The following RNF111 variants were observed in gnomAD, a reference collection of about 807,000 sequenced individuals.
RNF111 encodes E3 ubiquitin-protein ligase Arkadia.
Under a neutral mutation model 95.1 loss-of-function variants are expected in RNF111, and 17 were observed. That is an observed-to-expected ratio of 0.18 (90% CI 0.12 to 0.27). The LOEUF (loss-of-function observed/expected upper bound fraction) is 0.27. Among genes scored for constraint, RNF111 ranks in the 10% least tolerant of loss-of-function variants. RNF111 has a pLI of 1.00. For missense variants in RNF111, 1,189 were observed against 1,210.4 expected (o/e 0.98, Z 0.26); for synonymous variants, 440 against 414.8 (o/e 1.06, Z -0.74).
rs1307291913 is a variant in RNF111 at position 59,031,693 on chromosome 15, G to T, written c.871G>T (p.Val291Phe). ...ASENHQNNPAVPSGSIDEDVV... is the reference protein window; with the variant it reads ...ASENHQNNPAFPSGSIDEDVV... ...TGAAAACCACCAAAACAATCCAGCT[G>T]TTCCCTCAGGTAAAAATGTTTAAGC... Residue 291 changes from valine (V) to phenylalanine (F), a missense_variant, in exon 2 of 14, where the codon GTT (valine) becomes TTT (phenylalanine). By Grantham distance (50) the Val-to-Phe change is conservative. Coordinates refer to ENST00000348370, the MANE Select transcript of RNF111 (RefSeq NM_017610.8). 6.2e-7 allele frequency: 1 copy of T among 1,612,760 alleles called. No individual in the cohort carries two copies. Among genetic ancestry groups the T allele is most frequent in the Non-Finnish European group, 8.5e-7 (1 of 1,179,388 alleles).
chr15:59,088,556 C>A (rs1208655085), intron 10 of RNF111, among the ~76,000 whole-genome samples: 2 of 152,102 alleles, frequency 1.3e-5, no homozygotes, highest in African/African-American at 4.8e-5. Flanking sequence ...TCAGTGTAGG[C>A]TAATTAAAAA....
intron 1 of RNF111, among the ~76,000 whole-genome samples, chr15:58,996,896 C>A (rs1465519525): frequency 6.6e-6 from 1 of 151,988 alleles, no homozygotes; most frequent in African/African-American, 2.4e-5. Flanking sequence ...TCCTATGCAA[C>A]TCTCCTAATC....
At chr15:59,080,066 T>A (rs1271291353) in intron 7 of RNF111, among the ~76,000 whole-genome samples, 1 of 151,402 alleles carries the variant, frequency 6.6e-6, no homozygotes, top group Non-Finnish European at 1.5e-5. Context: ...GCATTTATTT[T>A]AAAAATTTAG....
At chr15:59,060,154 T>A (rs1173364754) in intron 5 of RNF111, among the ~76,000 whole-genome samples, 3 of 152,206 alleles carry the variant, frequency 2.0e-5, no homozygotes, top group African/African-American at 7.2e-5. Context: ...ACTACAGGTG[T>A]GAACCACTGT....
chr15:59,023,118 C>T (rs1219595255), intron 1 of RNF111, among the ~76,000 whole-genome samples: 3 of 152,016 alleles, frequency 2.0e-5, no homozygotes, highest in Middle Eastern at 3.2e-3. Flanking sequence ...CATGGTGGTG[C>T]GTGTCTGTAA....
At position 59,031,398 on chromosome 15, in the gene RNF111, A is replaced by G. The variant is rs954928532; in HGVS notation, c.576A>G (p.Val192=). The G allele has an allele frequency of 4.3e-6, 7 of 1,614,108 alleles. 1 individual carries two copies. The Admixed American group carries it at 1.0e-4, about 23-fold the overall frequency. The change falls in exon 2 of 14, where the codon GTA becomes GTG. Residue 192 remains valine (V), a synonymous_variant. Transcript: ENST00000348370. ...GGCCTCGGACTGAGACAGAATCTGTATCGGGATTGTTAATGAAAAGACCCT... is the reference window on the plus strand; with the variant it reads ...GGCCTCGGACTGAGACAGAATCTGTGTCGGGATTGTTAATGAAAAGACCCT... ...HKWPRTETES[V]SGLLMKRPCL... is the part of the protein sequence containing the mutation.
At chr15:59,082,486 A>G (rs1483981614) in intron 8 of RNF111, among the ~76,000 whole-genome samples, 1 of 152,170 alleles carries the variant, frequency 6.6e-6, no homozygotes, top group Non-Finnish European at 1.5e-5. Context: ...GTTTATGAAA[A>G]TCCTTTTTTT....
At chr15:59,014,584 T>C (rs1211703498) in intron 1 of RNF111, among the ~76,000 whole-genome samples, 1 of 152,198 alleles carries the variant, frequency 6.6e-6, no homozygotes, top group Non-Finnish European at 1.5e-5. Context: ...TCAGAAGAAA[T>C]GTATACTTGT....
intron 1 of RNF111, among the ~76,000 whole-genome samples, chr15:59,003,025 C>T (rs1665051): frequency 0.6 from 90,516 of 152,080 alleles, 28,626 homozygotes; most frequent in South Asian, 0.76. Flanking sequence ...ATGTTGCCAG[C>T]GCGGGATTGC....
chr15:59,030,822 C>G lies in RNF111; in HGVS notation c.-1C>G, dbSNP rs766383859. ...CTTCTAGGCTTTCCTTAAAGTTTCCCATGTCTCAATGGACTCCTGAATATA... is the reference window on the plus strand; with the variant it reads ...CTTCTAGGCTTTCCTTAAAGTTTCCGATGTCTCAATGGACTCCTGAATATA... On this transcript the variant is annotated 5_prime_UTR_variant, in exon 2 of 14. Coordinates refer to ENST00000348370, the MANE Select transcript of RNF111 (RefSeq NM_017610.8). The G allele has an allele frequency of 8.9e-6, 14 of 1,566,430 alleles. No homozygotes were observed. Among genetic ancestry groups the G allele is most frequent in the Non-Finnish European group, 1.1e-5 (13 of 1,155,694 alleles).
chr15:59,064,535 CAAAAA>C (rs35804813), intron 5 of RNF111, among the ~76,000 whole-genome samples: 2 of 76,732 alleles, frequency 2.6e-5, no homozygotes, highest in Non-Finnish European at 2.7e-5. Context: ...GACTTTGTCG[CAAAAA>C]AAAAAAAAAA....
At chr15:59,055,432 A>G (rs1244922166) in intron 3 of RNF111, among the ~76,000 whole-genome samples, 1 of 152,336 alleles carries the variant, frequency 6.6e-6, no homozygotes, top group East Asian at 1.9e-4. Flanking sequence ...AAAAGTAACC[A>G]TGGAAGAGAG....
chr15:59,052,428 A>G lies in RNF111; in HGVS notation c.1004A>G (p.Tyr335Cys), dbSNP rs758155441. 3 of 1,564,436 alleles carry G rather than the reference A, an allele frequency of 1.9e-6. No individual in the cohort carries two copies. Among genetic ancestry groups the G allele is most frequent in the East Asian group, 2.3e-5 (1 of 43,660 alleles). The change falls in exon 3 of 14, where the codon TAT becomes TGT. Residue 335 changes from tyrosine (Y) to cysteine (C), a missense_variant. By Grantham distance (194) the Tyr-to-Cys change is radical. Coordinates refer to ENST00000348370, the MANE Select transcript of RNF111 (RefSeq NM_017610.8). ...EVEIVTVGES[Y>C]RSRSTLGHSR... is the part of the protein sequence containing the mutation. ...GAGATTGTAACAGTTGGAGAAAGCT[A>G]TCGGTGAGATTTTAATTCTTAGTTA...
At chr15:59,013,059 TG>T (rs1163952706) in intron 1 of RNF111, among the ~76,000 whole-genome samples, 15 of 152,116 alleles carry the variant, frequency 9.9e-5, no homozygotes, top group Non-Finnish European at 1.6e-4. Context: ...TTTAGATTTT[TG>T]GAGATTGGCA....
rs1251887762 is a variant in RNF111, at chr15:59,081,171, C to T, written c.2184C>T (p.His728=). The change falls in exon 8 of 14, where the codon CAC becomes CAT. Residue 728 remains histidine (H), a synonymous_variant. Coordinates refer to ENST00000348370, the MANE Select transcript of RNF111 (RefSeq NM_017610.8). The stretch of plus-strand genomic sequence containing the variant: ...TCCCTCAGCATCTTCCTCCTACACA[C>T]CAGCCAATTTCGCACCATATTCCAG... ...APIPQHLPPT[H]QPISHHIPAT... is the part of the protein sequence containing the mutation. 7 of 1,614,088 alleles carry T rather than the reference C, an allele frequency of 4.3e-6. No individual in the cohort carries two copies. Among genetic ancestry groups the T allele is most frequent in the Middle Eastern group, 1.6e-4 (1 of 6,084 alleles).
At position 59,091,136 on chromosome 15, in the gene RNF111, T is replaced by C; in HGVS notation, c.2721T>C (p.Tyr907=). Residue 907 remains tyrosine (Y), a synonymous_variant, in exon 12 of 14, where the codon TAT becomes TAC. Coordinates refer to ENST00000348370, the MANE Select transcript of RNF111 (RefSeq NM_017610.8). ...ASQGTIERCT[Y]PHKYKKRKLH... is the part of the protein sequence containing the mutation. ...AGGGGACAATTGAAAGATGTACATA[T>C]CCACATAAATACAAAAAGGTAAGAA... The C allele has an allele frequency of 2.5e-6, 4 of 1,596,822 alleles. No homozygotes were observed. The highest frequency in any genetic ancestry group is 3.4e-6 in the Non-Finnish European group (4 of 1,165,900).
chr15:59,055,107 C>T (rs2042150819), intron 3 of RNF111, among the ~76,000 whole-genome samples: 1 of 152,184 alleles, frequency 6.6e-6, no homozygotes, highest in African/African-American at 2.4e-5. Flanking sequence ...CATAAACTAG[C>T]TCACGCAAGT....
At chr15:59,076,753 T>A (rs1315580569) in intron 7 of RNF111, among the ~76,000 whole-genome samples, 2 of 152,232 alleles carry the variant, frequency 1.3e-5, no homozygotes, top group African/African-American at 2.4e-5. Flanking sequence ...TCGTTAGATA[T>A]CACAAGAAAT....
rs768738102 is a variant in RNF111 at position 59,096,200 on chromosome 15, C to T, written c.*1300C>T. The T allele has an allele frequency of 2.5e-6, 1 of 396,756 alleles. No homozygotes were observed. The highest frequency in any genetic ancestry group is 4.4e-6 in the Non-Finnish European group (1 of 224,948). The allele number at this position is 396,756 out of a possible 1,614,324, so 24.6% of individuals were successfully genotyped here. Reference sequence around the variant, plus strand: ...CTCCTTTGGAGGAAGTTTTAATCTACTTCAGGATGCATATTATTATCAAGA... The same window carrying T: ...CTCCTTTGGAGGAAGTTTTAATCTATTTCAGGATGCATATTATTATCAAGA... On this transcript the variant is annotated 3_prime_UTR_variant, in exon 14 of 14. Transcript: ENST00000348370.
Sources: allele counts gnomAD v4.1 joint callset (sites outside exome capture counted in the v4.1 genomes callset), GRCh38; gene constraint gnomAD v4.1.1; transcripts MANE v1.5; gene names NCBI Gene and HGNC (gene_info 2026-07-23, HGNC 2026-07-21).